Variants in ADAM23 observed in about 807,000 individuals in gnomAD.
ADAM23 encodes ADAM metallopeptidase domain 23.
In ADAM23, 33 loss-of-function variants were observed where a neutral mutation model predicts 120.1. The ratio of observed to expected loss-of-function variants is 0.27; its 90% CI spans 0.21 to 0.37. The LOEUF (loss-of-function observed/expected upper bound fraction) is 0.37. Among genes scored for constraint, ADAM23 ranks in the 10% least tolerant of loss-of-function variants. The pLI, the probability that ADAM23 is intolerant of heterozygous loss-of-function variation, is 1.00. For synonymous variants in ADAM23, 367 were observed against 375.2 expected, an observed-to-expected ratio of 0.98 and a Z score of 0.25; for missense variants, 862 against 1,058.2, an observed-to-expected ratio of 0.81 and a Z score of 2.57.
chr2:206,490,460 A>T (rs1405430243), intron 3 of ADAM23, among the ~76,000 whole-genome samples: 1 of 152,164 alleles, frequency 6.6e-6, no homozygotes, highest in African/African-American at 2.4e-5. Flanking sequence ...TGTTTTGAGA[A>T]ATTGTGGTTT....
At chr2:206,603,403 T>C (rs567502227) in intron 24 of ADAM23, among the ~76,000 whole-genome samples, 190 of 152,312 alleles carry the variant, frequency 1.2e-3, no homozygotes, top group African/African-American at 4.4e-3. Flanking sequence ...AAAGAAAATC[T>C]TCACATCTTT....
At chr2:206,509,354 TATA>T (rs1696573055) in intron 3 of ADAM23, among the ~76,000 whole-genome samples, 2 of 152,330 alleles carry the variant, frequency 1.3e-5, no homozygotes, top group African/African-American at 4.8e-5. Flanking sequence ...GAGATTATTC[TATA>T]ATGATATTTT....
chr2:206,465,759 T>A (rs1274192967), intron 2 of ADAM23, among the ~76,000 whole-genome samples: 3 of 152,188 alleles, frequency 2.0e-5, no homozygotes, highest in Non-Finnish European at 4.4e-5. Flanking sequence ...TGAATTTTTT[T>A]AAAAATTCAA....
rs145174898 is a variant in ADAM23 at position 206,608,684 on chromosome 2, C to T, written c.2360-1226C>T. ...CAGGAGCCTAAAGAGACCTGCACCCCGAGACTGTATTGCAGCTGTCCTCTA... is the reference window on the plus strand; with the variant it reads ...CAGGAGCCTAAAGAGACCTGCACCCTGAGACTGTATTGCAGCTGTCCTCTA... On this transcript the variant is annotated intron_variant, in intron 24 of 25. Coordinates refer to ENST00000264377, the MANE Select transcript of ADAM23 (RefSeq NM_003812.4). Among the ~76,000 whole-genome samples, 586 of 152,064 alleles carry T rather than the reference C, an allele frequency of 3.9e-3. 2 individuals carry two copies. Among genetic ancestry groups the T allele is most frequent in the Non-Finnish European group, 4.6e-3 (312 of 67,988 alleles).
chr2:206,551,242 T>C (rs1697519558), intron 9 of ADAM23, among the ~76,000 whole-genome samples: 1 of 152,156 alleles, frequency 6.6e-6, no homozygotes, highest in South Asian at 2.1e-4. Flanking sequence ...CCATAGCTGA[T>C]TTCAAGCTAT....
intron 13 of ADAM23, among the ~76,000 whole-genome samples, chr2:206,562,934 A>G (rs1272908748): frequency 6.6e-6 from 1 of 152,180 alleles, no homozygotes; most frequent in Admixed American, 6.5e-5. Context: ...CGTTAATCAG[A>G]TGAGAGGTAG....
chr2:206,588,190 C>A, intron 20 of ADAM23, 36 bp downstream of exon 20: 1 of 1,603,892 alleles, frequency 6.2e-7, no homozygotes, highest in South Asian at 1.1e-5. Context: ...GTTACACATA[C>A]CATTTTCTCT....
chr2:206,609,022 G>A (rs11694535), intron 24 of ADAM23, among the ~76,000 whole-genome samples: 74,640 of 152,028 alleles, frequency 0.49, 18,813 homozygotes, highest in East Asian at 0.56. Flanking sequence ...TAGGTTTAAC[G>A]TTGCTTAGAT....
At chr2:206,449,701 C>G (rs1157321540) in intron 2 of ADAM23, among the ~76,000 whole-genome samples, 1 of 152,144 alleles carries the variant, frequency 6.6e-6, no homozygotes, top group Non-Finnish European at 1.5e-5. Flanking sequence ...TCCCGGGAGG[C>G]GGAGGTTGCG....
chr2:206,480,180 A>G (rs1695865887), intron 2 of ADAM23, among the ~76,000 whole-genome samples: 5 of 152,168 alleles, frequency 3.3e-5, no homozygotes. Flanking sequence ...AGACTTCATG[A>G]AAAGCATTGC....
chr2:206,556,743 T>C (rs1183962325), intron 9 of ADAM23, among the ~76,000 whole-genome samples: 1 of 152,212 alleles, frequency 6.6e-6, no homozygotes, highest in African/African-American at 2.4e-5. Context: ...TTACTTTTTG[T>C]CTTCTCTTTG....
intron 19 of ADAM23, among the ~76,000 whole-genome samples, chr2:206,587,694 C>T (rs982057272): frequency 6.6e-6 from 1 of 152,050 alleles, no homozygotes; most frequent in Non-Finnish European, 1.5e-5. Flanking sequence ...GACAATCTGT[C>T]ATGAGTTTTT....
intron 3 of ADAM23, among the ~76,000 whole-genome samples, chr2:206,511,752 A>C (rs1319755636): frequency 3.3e-5 from 5 of 152,210 alleles, no homozygotes; most frequent in Non-Finnish European, 5.9e-5. Flanking sequence ...GCAGCTTGAA[A>C]TTGGACTAAT....
intron 15 of ADAM23, among the ~76,000 whole-genome samples, chr2:206,569,579 C>T (rs1047514621): frequency 2.0e-5 from 3 of 152,052 alleles, no homozygotes; most frequent in Non-Finnish European, 1.5e-5. Context: ...GATAGTGACC[C>T]GTCTCAGGAT....
chr2:206,513,774 T>C (rs1338826174), intron 3 of ADAM23, among the ~76,000 whole-genome samples: 2 of 152,140 alleles, frequency 1.3e-5, no homozygotes, highest in African/African-American at 2.4e-5. Context: ...ACAGGCTGAC[T>C]CTTGTTTGGT....
chr2:206,461,273 G>T (rs2105859580), intron 2 of ADAM23, among the ~76,000 whole-genome samples: 1 of 152,070 alleles, frequency 6.6e-6, no homozygotes, highest in Non-Finnish European at 1.5e-5. Context: ...TGTTGGTCAG[G>T]CTGGTCTTGA....
At chr2:206,448,148 C>T (rs1416363563) in intron 2 of ADAM23, among the ~76,000 whole-genome samples, 1 of 152,144 alleles carries the variant, frequency 6.6e-6, no homozygotes, top group Non-Finnish European at 1.5e-5. Flanking sequence ...CAAACTGTGC[C>T]ATTTTTTAAA....
chr2:206,501,971 A>G (rs1317387981), intron 3 of ADAM23, among the ~76,000 whole-genome samples: 1 of 152,158 alleles, frequency 6.6e-6, no homozygotes, highest in African/African-American at 2.4e-5. Context: ...TATCTTCTTT[A>G]CAGAAAATAT....
chr2:206,548,413 T>C (rs1375986505), intron 8 of ADAM23, 59 bp downstream of exon 8: 1 of 1,496,080 alleles, frequency 6.7e-7, no homozygotes, highest in Non-Finnish European at 9.2e-7. Context: ...CATGTGCCTA[T>C]CACCCCACAT....
Sources: allele counts gnomAD v4.1 joint callset (sites outside exome capture counted in the v4.1 genomes callset), GRCh38; gene constraint gnomAD v4.1.1; transcripts MANE v1.5; gene names NCBI Gene and HGNC (gene_info 2026-07-23, HGNC 2026-07-21).